The following XKR4 variants were observed in gnomAD, a reference collection of about 807,000 sequenced individuals.
XKR4 encodes the protein XK-related protein 4.
Under a neutral mutation model 53.9 loss-of-function variants are expected in XKR4, and 12 were observed. That is an observed-to-expected ratio of 0.22 (90% CI 0.14 to 0.36). The LOEUF (loss-of-function observed/expected upper bound fraction) is 0.36, where lower values mean the gene tolerates loss of function less well. Among genes scored for constraint, XKR4 ranks in the 10% least tolerant of loss-of-function variants. XKR4 has a pLI of 1.00. For missense variants in XKR4, 799 were observed against 859.5 expected (o/e 0.93, Z 0.88); for synonymous variants, 354 against 362.4 (o/e 0.98, Z 0.26).
intron 1 of XKR4, among the ~76,000 whole-genome samples, chr8:55,336,202 G>A (rs551075575): frequency 6.6e-6 from 1 of 151,964 alleles, no homozygotes; most frequent in African/African-American, 2.4e-5. Context: ...TATGGGGGCG[G>A]GTCTTTTCTG....
At chr8:55,361,940 A>G (rs1803915035) in intron 2 of XKR4, among the ~76,000 whole-genome samples, 1 of 152,122 alleles carries the variant, frequency 6.6e-6, no homozygotes, top group Non-Finnish European at 1.5e-5. Flanking sequence ...GCTCGTTCAC[A>G]TTTTTATTTC....
At chr8:55,489,531 C>T (rs531987728) in intron 2 of XKR4, among the ~76,000 whole-genome samples, 9 of 151,982 alleles carry the variant, frequency 5.9e-5, no homozygotes, top group African/African-American at 2.2e-4. Context: ...AGTCCTGGCT[C>T]CTCATGTTGT....
At chr8:55,454,213 C>T (rs942067954) in intron 2 of XKR4, 2 of 1,072,286 alleles carry the variant, frequency 1.9e-6, no homozygotes, top group Non-Finnish European at 2.9e-6. Context: ...GTGGAATGTG[C>T]ACACACTCAG....
intron 1 of XKR4, among the ~76,000 whole-genome samples, chr8:55,289,819 AAAGGAAGG>A (rs148004764): frequency 7.0e-6 from 1 of 142,950 alleles, no homozygotes; most frequent in South Asian, 2.3e-4. Flanking sequence ...GGAAAGAAAG[AAAGGAAGG>A]AAGGAAGGAA....
chr8:55,342,247 C>G (rs1361092974), intron 1 of XKR4, among the ~76,000 whole-genome samples: 1 of 152,024 alleles, frequency 6.6e-6, no homozygotes, highest in Admixed American at 6.6e-5. Context: ...AACATGGTCA[C>G]AAATCCCACT....
intron 2 of XKR4, among the ~76,000 whole-genome samples, chr8:55,380,391 C>T (rs1336447393): frequency 6.6e-6 from 1 of 152,202 alleles, no homozygotes; most frequent in Non-Finnish European, 1.5e-5. Context: ...GAGTGCAAGA[C>T]ACTCTCATAA....
chr8:55,302,470 A>G (rs1003011760), intron 1 of XKR4, among the ~76,000 whole-genome samples: 2 of 152,096 alleles, frequency 1.3e-5, no homozygotes, highest in African/African-American at 2.4e-5. Context: ...GATTGACTTG[A>G]CAATGTGGGC....
At chr8:55,488,224 G>C (rs1430152398) in intron 2 of XKR4, among the ~76,000 whole-genome samples, 23 of 152,174 alleles carry the variant, frequency 1.5e-4, no homozygotes, top group Non-Finnish European at 1.5e-5. Context: ...ATACTGATGA[G>C]GATGCGGGGC....
intron 1 of XKR4, among the ~76,000 whole-genome samples, chr8:55,175,820 A>C (rs1817224103): frequency 6.6e-6 from 1 of 152,204 alleles, no homozygotes; most frequent in South Asian, 2.1e-4. Flanking sequence ...ATAGTAAATA[A>C]ATAAAATAAT....
chr8:55,269,008 G>T (rs1220068385), intron 1 of XKR4, among the ~76,000 whole-genome samples: 1 of 152,138 alleles, frequency 6.6e-6, no homozygotes. Flanking sequence ...TAATGACTTA[G>T]GCCACTTATG....
At chr8:55,446,107 C>T (rs890348866) in intron 2 of XKR4, among the ~76,000 whole-genome samples, 2 of 152,194 alleles carry the variant, frequency 1.3e-5, no homozygotes, top group Non-Finnish European at 2.9e-5. Context: ...TCACTCCACT[C>T]CAATACTTAG....
chr8:55,374,534 A>C (rs1166635627), intron 2 of XKR4, among the ~76,000 whole-genome samples: 3 of 152,216 alleles, frequency 2.0e-5, no homozygotes. Flanking sequence ...AGAACTGGTA[A>C]AGTGAACCAC....
chr8:55,480,102 A>G (rs1367770867), intron 2 of XKR4, among the ~76,000 whole-genome samples: 1 of 152,230 alleles, frequency 6.6e-6, no homozygotes, highest in Non-Finnish European at 1.5e-5. Context: ...CCAACAAAAA[A>G]GAGAATTTTA....
chr8:55,361,509 T>C (rs1803908371), intron 2 of XKR4, among the ~76,000 whole-genome samples: 1 of 152,096 alleles, frequency 6.6e-6, no homozygotes, highest in African/African-American at 2.4e-5. Context: ...TTTCACCTCA[T>C]TTCTACTGTG....
intron 1 of XKR4, among the ~76,000 whole-genome samples, chr8:55,326,157 G>C (rs1803288950): frequency 6.6e-6 from 1 of 152,156 alleles, no homozygotes; most frequent in Non-Finnish European, 1.5e-5. Flanking sequence ...ACAGAGGAAA[G>C]AATACCGGAG....
rs181710772 is a variant in XKR4, at chr8:55,146,031, T to G, written c.806+42737T>G. ...TGGGTGAGATGTGAAGGAAAACTGA[T>G]GCTTTGCAAATGGGAATTATGAAAT... On this transcript the variant is annotated intron_variant, in intron 1 of 2. Coordinates refer to ENST00000327381, the MANE Select transcript of XKR4 (RefSeq NM_052898.2). Among the ~76,000 whole-genome samples, 707 of 152,362 alleles carry G rather than the reference T, an allele frequency of 4.6e-3. 4 individuals carry two copies. The highest frequency in any genetic ancestry group is 7.6e-3 in the Non-Finnish European group (518 of 68,032).
intron 1 of XKR4, among the ~76,000 whole-genome samples, chr8:55,270,769 T>C (rs1818679292): frequency 6.6e-6 from 1 of 152,196 alleles, no homozygotes; most frequent in Non-Finnish European, 1.5e-5. Context: ...TCCATTTTGG[T>C]GATAGCTCTC....
At chr8:55,192,662 G>A (rs957061195) in intron 1 of XKR4, among the ~76,000 whole-genome samples, 3 of 152,044 alleles carry the variant, frequency 2.0e-5, no homozygotes, top group Admixed American at 6.5e-5. Context: ...GACTGTATGG[G>A]TACATTGTGC....
At chr8:55,453,236 GGCA>G in intron 2 of XKR4, 1 of 493,274 alleles carries the variant, frequency 2.0e-6, no homozygotes, top group East Asian at 6.1e-5. Context: ...TGTGACCAGA[GGCA>G]GCAGAGCAGC....
Sources: allele counts gnomAD v4.1 joint callset (sites outside exome capture counted in the v4.1 genomes callset), GRCh38; gene constraint gnomAD v4.1.1; transcripts MANE v1.5; gene names NCBI Gene and HGNC (gene_info 2026-07-23, HGNC 2026-07-21).